Variants in NCOR1 observed in about 807,000 individuals in gnomAD.
NCOR1 encodes the protein protein phosphatase 1, regulatory subunit 109.
In NCOR1, 63 loss-of-function variants were observed where a neutral mutation model predicts 288.1. The observed-to-expected ratio is 0.22, with a 90% CI of 0.18 to 0.27. The LOEUF is 0.27. Ranked by LOEUF, NCOR1 falls within the 10% of genes least tolerant of loss-of-function variation. The pLI, the probability that NCOR1 is intolerant of heterozygous loss-of-function variation, is 1.00. For synonymous variants in NCOR1, 1,007 were observed against 1,065.9 expected, an observed-to-expected ratio of 0.94 and a Z score of 1.08; for missense variants, 2,397 against 3,019.2, an observed-to-expected ratio of 0.79 and a Z score of 4.83.
intron 1 of NCOR1, among the ~76,000 whole-genome samples, chr17:16,207,878 TG>T (rs2091711270): frequency 6.6e-6 from 1 of 151,698 alleles, no homozygotes; most frequent in African/African-American, 2.4e-5. Flanking sequence ...TACACTGTAA[TG>T]GGGGAAAGAA....
intron 14 of NCOR1, among the ~76,000 whole-genome samples, chr17:16,135,769 A>G (rs1388080880): frequency 1.3e-5 from 2 of 152,158 alleles, no homozygotes; most frequent in Non-Finnish European, 1.5e-5. Flanking sequence ...GTGGGAAATA[A>G]TGACCCAGAA....
intron 44 of NCOR1, among the ~76,000 whole-genome samples, chr17:16,038,832 G>A (rs983045007): frequency 2.0e-4 from 30 of 152,216 alleles, no homozygotes; most frequent in African/African-American, 7.0e-4. Context: ...GTGCAGTGGT[G>A]TGATCTCAGC....
chr17:16,147,551 T>C (rs1599422789), intron 9 of NCOR1, among the ~76,000 whole-genome samples: 1 of 152,314 alleles, frequency 6.6e-6, no homozygotes, highest in Non-Finnish European at 1.5e-5. Flanking sequence ...TCAACATATC[T>C]GATGACACAT....
chr17:16,127,585 G>GCACA (rs879338830), intron 14 of NCOR1, among the ~76,000 whole-genome samples: 2 of 142,234 alleles, frequency 1.4e-5, no homozygotes, highest in African/African-American at 2.6e-5. Flanking sequence ...ATACATATGT[G>GCACA]TATATATGTA....
intron 26 of NCOR1, among the ~76,000 whole-genome samples, chr17:16,076,606 C>T (rs1254981685): frequency 5.9e-5 from 9 of 152,118 alleles, no homozygotes; most frequent in Non-Finnish European, 1.2e-4. Flanking sequence ...ATGAGCTGAG[C>T]GAAAATTTTA....
chr17:16,149,016 A>G (rs1312822958), intron 9 of NCOR1, among the ~76,000 whole-genome samples: 2 of 152,182 alleles, frequency 1.3e-5, no homozygotes, highest in East Asian at 1.9e-4. Context: ...CAAGTCATAA[A>G]AAAATATGGA....
At chr17:16,144,836 CCT>C (rs2077643017) in intron 10 of NCOR1, among the ~76,000 whole-genome samples, 1 of 151,276 alleles carries the variant, frequency 6.6e-6, no homozygotes, top group Non-Finnish European at 1.5e-5. Context: ...CCACGGTCTC[CCT>C]CTGTTGCCGA....
In NCOR1 at chr17:16,057,557, A is replaced by G; in HGVS notation, c.6349T>C (p.Ser2117Pro). Residue 2117 changes from serine to proline, a missense_variant, in exon 40 of 46, where the codon TCA becomes CCA. By Grantham distance (74) the Ser-to-Pro change is moderately conservative. Around this residue, in one of 11 missense-constraint regions of NCOR1, gnomAD observed 1,872 missense variants for 2,187.8 expected, o/e 0.86. Coordinates refer to ENST00000268712, the MANE Select transcript of NCOR1 (RefSeq NM_006311.4). Reference protein sequence around the residue: ...AQSVHHQRPGSRVSPENLVDK... With the variant: ...AQSVHHQRPGPRVSPENLVDK... ...ACAAGATTTTCTGGAGAGACCCTTG[A>G]ACCTGGTCTTTGATGATGGACAGAC... 4 of 1,614,160 alleles carry G rather than the reference A, an allele frequency of 2.5e-6. No homozygotes were observed. The highest frequency in any genetic ancestry group is 3.4e-6 in the Non-Finnish European group (4 of 1,180,016).
chr17:16,157,589 T>A (rs1232890538), intron 6 of NCOR1, among the ~76,000 whole-genome samples: 1 of 152,212 alleles, frequency 6.6e-6, no homozygotes, highest in Non-Finnish European at 1.5e-5. Flanking sequence ...ACAGACTGTA[T>A]GTGTAAGATA....
chr17:16,201,976 C>T (rs1413880474), intron 1 of NCOR1, among the ~76,000 whole-genome samples: 1 of 152,152 alleles, frequency 6.6e-6, no homozygotes, highest in South Asian at 2.1e-4. Context: ...CCTGTCATTC[C>T]AGCACTTTGG....
At chr17:16,047,142 G>A in intron 41 of NCOR1, 49 bp from the exon 42 acceptor site, 1 of 1,537,378 alleles carries the variant, frequency 6.5e-7, no homozygotes, top group Non-Finnish European at 8.8e-7. Context: ...TCCTAATCCT[G>A]GGGACATTCC....
At chr17:16,169,520 G>A (rs2082708508) in intron 4 of NCOR1, among the ~76,000 whole-genome samples, 1 of 152,172 alleles carries the variant, frequency 6.6e-6, no homozygotes, top group East Asian at 1.9e-4. Flanking sequence ...GGGAGAGAAT[G>A]GGGAGAGGGA....
intron 11 of NCOR1, among the ~76,000 whole-genome samples, chr17:16,139,596 A>G (rs2076881992): frequency 6.6e-6 from 1 of 152,200 alleles, no homozygotes; most frequent in Non-Finnish European, 1.5e-5. Context: ...TTTTACCGTC[A>G]TATTACAGAA....
At chr17:16,210,897 TTTTTTGTA>T (rs1179861448) in intron 1 of NCOR1, among the ~76,000 whole-genome samples, 1 of 152,006 alleles carries the variant, frequency 6.6e-6, no homozygotes, top group Admixed American at 6.6e-5. Flanking sequence ...GCCCGGCTAA[TTTTTTGTA>T]TTTTTTTAGT....
At position 16,092,101 on chromosome 17, in the gene NCOR1, A is replaced by C; in HGVS notation, c.2821-43T>G. 1.9e-6 allele frequency: 3 copies of C among 1,595,252 alleles called. No homozygotes were observed. In the South Asian group the frequency reaches 3.3e-5, roughly 18 times the overall value. On this transcript the variant is annotated intron_variant, in intron 21 of 45. Transcript: ENST00000268712. ...ATCGAAATATGCAAACAACCAATGT[A>C]ATAATTGCCATCTCTTAACAAGTAA...
chr17:16,152,310 C>G (rs182096817), intron 7 of NCOR1, among the ~76,000 whole-genome samples: 1 of 152,090 alleles, frequency 6.6e-6, no homozygotes, highest in African/African-American at 2.4e-5. Flanking sequence ...CCCCATGCCC[C>G]ACCCCCTGAC....
chr17:16,126,345 A>T, intron 14 of NCOR1, 139 bp from the exon 15 acceptor site: 1 of 867,430 alleles, frequency 1.2e-6, no homozygotes, highest in Non-Finnish European at 1.7e-6. Flanking sequence ...GTGTGTTAAA[A>T]ACCAGTCTAG....
At chr17:16,214,761 G>A (rs760279295) in intron 1 of NCOR1, among the ~76,000 whole-genome samples, 14 of 152,180 alleles carry the variant, frequency 9.2e-5, no homozygotes, top group Non-Finnish European at 1.8e-4. Flanking sequence ...TCCCCAAAAA[G>A]GGGTGCACTT....
chr17:16,042,248 AT>A (rs372336528), intron 42 of NCOR1, among the ~76,000 whole-genome samples: 28 of 152,232 alleles, frequency 1.8e-4, no homozygotes, highest in African/African-American at 6.0e-4. Context: ...AGGTAAATAA[AT>A]TGAGCCTGAA....
Sources: gnomAD v4.1 joint callset for allele counts (sites outside exome capture counted in the v4.1 genomes callset) on GRCh38, gnomAD v4.1.1 for gene constraint, gnomAD v4.1.1 regional missense constraint, MANE v1.5 for transcripts, NCBI Gene and HGNC (gene_info 2026-07-23, HGNC 2026-07-21) for gene names.